ASIC2: variants seen among roughly 807,000 people sequenced by gnomAD.
ASIC2 encodes the protein acid sensing ion channel subunit 2, also known as acid-sensing ion channel 2.
In ASIC2, 25 loss-of-function variants were observed where a neutral mutation model predicts 57.3. That is an observed-to-expected ratio of 0.44 (90% CI 0.32 to 0.61). The LOEUF (loss-of-function observed/expected upper bound fraction) is 0.61. ASIC2 is among the 20% of genes least tolerant of loss of function. ASIC2 has a pLI of 0.06. For missense variants in ASIC2, 641 were observed against 738.1 expected, an observed-to-expected ratio of 0.87 and a Z score of 1.52; for synonymous variants, 319 against 307.5, an observed-to-expected ratio of 1.04 and a Z score of -0.39.
chr17:34,024,875 A>G (rs1050044122), intron 1 of ASIC2, among the ~76,000 whole-genome samples: 5 of 152,190 alleles, frequency 3.3e-5, no homozygotes, highest in Non-Finnish European at 5.9e-5. Context: ...GAGCAAATGA[A>G]TGGTGTAAAT....
chr17:33,679,169 C>T (rs1468039461), intron 1 of ASIC2, among the ~76,000 whole-genome samples: 1 of 152,148 alleles, frequency 6.6e-6, no homozygotes, highest in African/African-American at 2.4e-5. Flanking sequence ...AAACAAATAA[C>T]ACGTGTTACA....
intron 1 of ASIC2, among the ~76,000 whole-genome samples, chr17:33,526,443 C>G (rs777638292): frequency 6.6e-6 from 1 of 152,170 alleles, no homozygotes; most frequent in South Asian, 2.1e-4. Flanking sequence ...TTTCTGGCTC[C>G]AGGAGTCCAC....
Position 33,471,334 on chromosome 17 carries a change from CGACTGAT to C in ASIC2, c.556-359274_556-359268del, listed in dbSNP as rs145818201. Among the ~76,000 whole-genome samples the C allele has an allele frequency of 8.4e-3, 1,281 of 152,254 alleles. 14 individuals are homozygous for C. The highest frequency in any genetic ancestry group is 0.03 in the African/African-American group (1,231 of 41,548). ...TTGGTCATTTGAATGGGTTAGCTGT[CGACTGAT>C]GACACCTGCTCTTTAGAAACTCAGC... On this transcript the variant is annotated intron_variant, in intron 1 of 9. Coordinates refer to the ASIC2 transcript ENST00000359872.
At chr17:33,767,110 G>A (rs1337217253) in intron 1 of ASIC2, among the ~76,000 whole-genome samples, 2 of 152,224 alleles carry the variant, frequency 1.3e-5, no homozygotes, top group Non-Finnish European at 2.9e-5. Flanking sequence ...CTGCTCTGCT[G>A]ACCTTGGATT....
chr17:33,151,016 C>T (rs1367155778), intron 1 of ASIC2, among the ~76,000 whole-genome samples: 6 of 139,122 alleles, frequency 4.3e-5, no homozygotes, highest in Non-Finnish European at 6.3e-5. Context: ...GGTGACAGAG[C>T]GAGACTCCAT....
chr17:33,860,270 G>A (rs139348849), intron 1 of ASIC2, among the ~76,000 whole-genome samples: 9 of 152,314 alleles, frequency 5.9e-5, no homozygotes, highest in African/African-American at 2.2e-4. Flanking sequence ...AAGGGGAAGA[G>A]AAGGGCAGGC....
intron 1 of ASIC2, among the ~76,000 whole-genome samples, chr17:33,305,808 G>A (rs1169969890): frequency 6.6e-6 from 1 of 152,124 alleles, no homozygotes; most frequent in Admixed American, 6.6e-5. Flanking sequence ...CTTAATTCTT[G>A]GACACATTGG....
chr17:33,580,090 C>T (rs1290106535), intron 1 of ASIC2: 3 of 152,184 alleles, frequency 2.0e-5, no homozygotes, highest in Middle Eastern at 3.2e-3. Flanking sequence ...GGCCAGCTGG[C>T]TTCACGTCTT....
At chr17:33,906,010 A>AT (rs1478431354) in intron 1 of ASIC2, among the ~76,000 whole-genome samples, 11 of 97,186 alleles carry the variant, frequency 1.1e-4, no homozygotes, top group South Asian at 4.6e-4. Context: ...ATTTTAATTA[A>AT]ATTTTTTTTT....
At chr17:33,524,548 C>T (rs1301325672) in intron 1 of ASIC2, among the ~76,000 whole-genome samples, 2 of 151,800 alleles carry the variant, frequency 1.3e-5, no homozygotes, top group Non-Finnish European at 2.9e-5. Flanking sequence ...TAGACTCATT[C>T]GGAGGTGTGC....
At chr17:33,316,530 C>A (rs186356636) in intron 1 of ASIC2, among the ~76,000 whole-genome samples, 1 of 152,198 alleles carries the variant, frequency 6.6e-6, no homozygotes, top group East Asian at 1.9e-4. Context: ...TCAAGTCATC[C>A]GCCCATCTTG....
chr17:33,763,190 A>G lies in ASIC2; in HGVS notation c.555+392788T>C, dbSNP rs577862026. Among the ~76,000 whole-genome samples the G allele has an allele frequency of 5.3e-5, 8 of 152,348 alleles. No individual in the cohort carries two copies. In the South Asian group the frequency reaches 1.0e-3, roughly 20 times the overall value. On this transcript the variant is annotated intron_variant, in intron 1 of 9. Transcript: ENST00000359872. Reference sequence around the variant, plus strand: ...TCCTGACTACGACTTCTTGGAGTTCAGAGACCATATGTCTTGTTGATTGAT... The same window carrying G: ...TCCTGACTACGACTTCTTGGAGTTCGGAGACCATATGTCTTGTTGATTGAT...
chr17:33,597,507 A>G (rs577553549), intron 1 of ASIC2, among the ~76,000 whole-genome samples: 8 of 152,222 alleles, frequency 5.3e-5, no homozygotes, highest in Non-Finnish European at 5.9e-5. Flanking sequence ...TCTCACTTCT[A>G]TATATATGAC....
intron 1 of ASIC2, among the ~76,000 whole-genome samples, chr17:33,400,194 C>T (rs544783209): frequency 2.3e-4 from 35 of 152,260 alleles, no homozygotes; most frequent in Middle Eastern, 3.4e-3. Flanking sequence ...ATGGAAGGGA[C>T]CTGTGAGATG....
intron 3 of ASIC2, among the ~76,000 whole-genome samples, chr17:33,032,747 C>A (rs906106589): frequency 6.6e-6 from 1 of 152,168 alleles, no homozygotes; most frequent in Non-Finnish European, 1.5e-5. Context: ...TGTGACTGGT[C>A]ACACTGTTAA....
intron 1 of ASIC2, among the ~76,000 whole-genome samples, chr17:33,895,718 G>A (rs1289887713): frequency 6.6e-6 from 1 of 152,132 alleles, no homozygotes; most frequent in East Asian, 1.9e-4. Context: ...ATCCTGGTAG[G>A]GAATCTTCTC....
At chr17:33,509,803 T>A (rs557244783) in intron 1 of ASIC2, among the ~76,000 whole-genome samples, 1 of 152,336 alleles carries the variant, frequency 6.6e-6, no homozygotes, top group South Asian at 2.1e-4. Flanking sequence ...CTTTGAGTAC[T>A]TAAGGAACTG....
At chr17:34,095,656 A>AC in intron 1 of ASIC2, among the ~76,000 whole-genome samples, 1 of 79,530 alleles carries the variant, frequency 1.3e-5, no homozygotes, top group South Asian at 3.3e-4. Context: ...TATATATATA[A>AC]TTTTATATAT....
chr17:33,758,047 T>G (rs375423490), intron 1 of ASIC2, among the ~76,000 whole-genome samples: 12 of 152,370 alleles, frequency 7.9e-5, no homozygotes, highest in East Asian at 7.7e-4. Context: ...CTTGCTTATT[T>G]GGTTGCAATG....
Sources: gnomAD v4.1 joint callset for allele counts (sites outside exome capture counted in the v4.1 genomes callset) on GRCh38, gnomAD v4.1.1 for gene constraint, MANE v1.5 for transcripts, NCBI Gene and HGNC (gene_info 2026-07-23, HGNC 2026-07-21) for gene names.